TNC: variants seen among roughly 807,000 people sequenced by gnomAD.
The protein encoded by TNC is tenascin C, also known as tenascin.
TNC carries 109 observed loss-of-function variants against 202.4 expected under a neutral mutation model. That is an observed-to-expected ratio of 0.54 (90% confidence interval 0.46 to 0.63). The LOEUF (loss-of-function observed/expected upper bound fraction) is 0.63, where lower values mean the gene tolerates loss of function less well. Ranked by LOEUF, TNC falls within the 30% of genes least tolerant of loss-of-function variation. The pLI is 0.00. For synonymous variants in TNC, 1,007 were observed against 1,089.7 expected, an observed-to-expected ratio of 0.92 and a Z score of 1.50; for missense variants, 2,756 against 2,833.3, an observed-to-expected ratio of 0.97 and a Z score of 0.62.
chr9:115,064,577 G>A (rs978022334), intron 11 of TNC, 70 bp downstream of exon 11: 16 of 1,509,578 alleles, frequency 1.1e-5, no homozygotes, highest in Admixed American at 2.0e-5. Context: ...AAAGCTAGTC[G>A]TGTCTGATTA....
intron 15 of TNC, 141 bp from the exon 16 acceptor site, chr9:115,048,673 A>T: frequency 1.2e-6 from 1 of 844,344 alleles, no homozygotes; most frequent in East Asian, 2.6e-5. Flanking sequence ...AAATTCAGTA[A>T]GAACTTATTG....
chr9:115,099,734 A>G (rs1473004132), intron 1 of TNC, among the ~76,000 whole-genome samples: 1 of 152,226 alleles, frequency 6.6e-6, no homozygotes. Context: ...ACTGGTGTGT[A>G]TTGGTATTAT....
intron 5 of TNC, 74 bp from the exon 6 acceptor site, chr9:115,082,002 G>A: frequency 1.5e-6 from 2 of 1,375,262 alleles, no homozygotes; most frequent in Admixed American, 2.4e-5. Flanking sequence ...CATTCACTCT[G>A]CATTCATTCA....
intron 23 of TNC, 105 bp from the exon 24 acceptor site, chr9:115,030,510 G>T (rs1370461998): frequency 4.7e-6 from 6 of 1,264,702 alleles, no homozygotes; most frequent in Non-Finnish European, 6.4e-6. Context: ...GAATTTCCAG[G>T]TGCAATAATG....
At position 115,092,568 on chromosome 9, in the gene TNC, T is replaced by A. The variant is rs541420153; in HGVS notation, c.-136-1414A>T. On this transcript the variant is annotated intron_variant, in intron 1 of 27. Transcript: ENST00000350763. The stretch of plus-strand genomic sequence containing the variant: ...AAAATTCAAATGATAATTGAAGAGC[T>A]ATTTTATTTATTTATTTATTTTTGA... 4.6e-5 allele frequency among the ~76,000 whole-genome samples: 7 copies of A among 152,228 alleles called. 1 individual carries two copies. The South Asian group carries it at 1.0e-3, about 23-fold the overall frequency.
At chr9:115,099,083 C>A (rs571581525) in intron 1 of TNC, among the ~76,000 whole-genome samples, 2 of 152,034 alleles carry the variant, frequency 1.3e-5, no homozygotes, top group African/African-American at 2.4e-5. Flanking sequence ...AATTCCAGAA[C>A]TGAGAAGTGG....
intron 1 of TNC, among the ~76,000 whole-genome samples, chr9:115,093,726 A>T (rs1182660778): frequency 1.3e-5 from 2 of 151,982 alleles, no homozygotes; most frequent in African/African-American, 4.8e-5. Context: ...ATTTCCATCT[A>T]AAAAGCCATT....
At chr9:115,098,938 A>ATTTTTTTTTTTTTTTTTTTTTTTT (rs35624621) in intron 1 of TNC, among the ~76,000 whole-genome samples, 2 of 127,360 alleles carry the variant, frequency 1.6e-5, no homozygotes, top group Non-Finnish European at 1.6e-5. Context: ...TTAAGTGTGT[A>ATTTTTTTTTTTTTTTTTTTTTTTT]TTTTTTTTTT....
intron 10 of TNC, among the ~76,000 whole-genome samples, chr9:115,071,099 C>T (rs895067551): frequency 2.0e-5 from 3 of 152,152 alleles, no homozygotes; most frequent in Non-Finnish European, 4.4e-5. Flanking sequence ...AATTAAATAC[C>T]CGTCTTCTTT....
At position 115,029,285 on chromosome 9, in the gene TNC, T is replaced by A. The variant is rs1179048969; in HGVS notation, c.6169+75A>T. 3 of 1,292,740 alleles carry A rather than the reference T, an allele frequency of 2.3e-6. No homozygotes were observed. In the East Asian group the frequency reaches 6.9e-5, roughly 30 times the overall value. The allele number at this position is 1,292,740 out of a possible 1,614,324, so 80.1% of individuals were successfully genotyped here. On this transcript the variant is annotated intron_variant, in intron 25 of 27. Transcript: ENST00000350763. ...TCCTCATCTCTTTCTCTCCCATAGG[T>A]CCCTGTGGGTTAGGAAAAGTGACAA...
At chr9:115,024,282 C>A in intron 26 of TNC, 146 bp from the exon 27 acceptor site, 1 of 772,460 alleles carries the variant, frequency 1.3e-6, no homozygotes, top group Non-Finnish European at 2.1e-6. Context: ...GCATTGAATG[C>A]GGAACTGAAT....
intron 14 of TNC, among the ~76,000 whole-genome samples, 177 bp from the exon 15 acceptor site, chr9:115,057,602 T>C (rs1354276753): frequency 6.6e-6 from 1 of 152,180 alleles, no homozygotes; most frequent in Non-Finnish European, 1.5e-5. Flanking sequence ...GAAAAAGCAG[T>C]TTTGTTAAAA....
chr9:115,067,410 G>A (rs1833036273), intron 10 of TNC, among the ~76,000 whole-genome samples: 1 of 152,184 alleles, frequency 6.6e-6, no homozygotes. Flanking sequence ...CCCTTCGTGT[G>A]AATTAAGTTA....
Position 115,041,099 on chromosome 9 carries a change from A to T in TNC, c.5249-15T>A. 1 of 1,600,714 alleles carries T rather than the reference A, an allele frequency of 6.2e-7. No individual in the cohort carries two copies. Among genetic ancestry groups the T allele is most frequent in the Non-Finnish European group, 8.5e-7 (1 of 1,172,026 alleles). ...GGAGGGTGTACCTGGAACACAGTAA[A>T]AGCAAGATGAGGAATAATGAACCTC... On this transcript the variant is annotated splice_polypyrimidine_tract_variant and intron_variant, in intron 18 of 27. Transcript: ENST00000350763.
intron 6 of TNC, among the ~76,000 whole-genome samples, chr9:115,079,814 A>C (rs1834162979): frequency 6.6e-6 from 1 of 152,230 alleles, no homozygotes; most frequent in Non-Finnish European, 1.5e-5. Flanking sequence ...CCTTTACATG[A>C]CAACACCTCT....
intron 1 of TNC, among the ~76,000 whole-genome samples, chr9:115,092,553 T>C (rs962765216): frequency 6.6e-6 from 1 of 152,098 alleles, no homozygotes; most frequent in Non-Finnish European, 1.5e-5. Flanking sequence ...AAAATTCAAA[T>C]GATAATTGAA....
chr9:115,029,587 TAACTTTG>T, intron 24 of TNC, 131 bp from the exon 25 acceptor site: 1 of 881,634 alleles, frequency 1.1e-6, no homozygotes, highest in East Asian at 2.5e-5. Context: ...ATTTGCTATG[TAACTTTG>T]GGTGGTCACC....
intron 10 of TNC, among the ~76,000 whole-genome samples, chr9:115,068,233 G>A (rs1030354825): frequency 1.3e-5 from 2 of 152,140 alleles, no homozygotes; most frequent in Non-Finnish European, 2.9e-5. Flanking sequence ...AAAGGCTGTT[G>A]TCTTCTTCTT....
intron 10 of TNC, among the ~76,000 whole-genome samples, chr9:115,070,521 G>A (rs2132935167): frequency 6.6e-6 from 1 of 152,372 alleles, no homozygotes; most frequent in East Asian, 1.9e-4. Flanking sequence ...GGGTCTTTGG[G>A]CGAGAGGTGT....
Sources: gnomAD v4.1 joint callset for allele counts (sites outside exome capture counted in the v4.1 genomes callset) on GRCh38, gnomAD v4.1.1 for gene constraint, MANE v1.5 for transcripts, NCBI Gene and HGNC (gene_info 2026-07-23, HGNC 2026-07-21) for gene names.